The following MAML3 variants were observed in gnomAD, a reference collection of about 807,000 sequenced individuals.
MAML3 encodes mastermind-like protein 3.
MAML3 carries 27 observed loss-of-function variants against 101.9 expected under a neutral mutation model. That is an observed-to-expected ratio of 0.27 (90% CI 0.20 to 0.37). MAML3 has a LOEUF of 0.37. Among genes scored for constraint, MAML3 ranks in the 10% least tolerant of loss-of-function variants. The pLI is 1.00. For synonymous variants in MAML3, 501 were observed against 555.9 expected (o/e 0.90, Z 1.39); for missense variants, 1,316 against 1,444.9 (o/e 0.91, Z 1.45).
intron 1 of MAML3, among the ~76,000 whole-genome samples, chr4:140,105,987 C>T (rs893964167): frequency 6.6e-6 from 1 of 152,044 alleles, no homozygotes; most frequent in Non-Finnish European, 1.5e-5. Flanking sequence ...CCTAATCCCA[C>T]GTTTAGGACT....
intron 1 of MAML3, among the ~76,000 whole-genome samples, chr4:140,003,904 T>C (rs1214557313): frequency 6.6e-6 from 1 of 152,246 alleles, no homozygotes; most frequent in Non-Finnish European, 1.5e-5. Context: ...AAAGTTTCTG[T>C]GTAAATTACA....
At chr4:140,132,286 A>G (rs544566544) in intron 1 of MAML3, among the ~76,000 whole-genome samples, 201 of 152,354 alleles carry the variant, frequency 1.3e-3, no homozygotes, top group Non-Finnish European at 1.7e-3. Context: ...GAAAAAGGGA[A>G]GTTCTTATTA....
chr4:140,113,346 T>C (rs1453852898), intron 1 of MAML3, among the ~76,000 whole-genome samples: 1 of 152,148 alleles, frequency 6.6e-6, no homozygotes, highest in East Asian at 1.9e-4. Flanking sequence ...ATGAAATTTC[T>C]AGGGCCCCTC....
chr4:139,996,539 C>T lies in MAML3; in HGVS notation c.469-105572G>A, dbSNP rs568605874. Among the ~76,000 whole-genome samples, 15 of 151,658 alleles carry T rather than the reference C, an allele frequency of 9.9e-5. No individual in the cohort carries two copies. The South Asian group carries it at 2.3e-3, about 23-fold the overall frequency. On this transcript the variant is annotated intron_variant, in intron 1 of 4. Coordinates refer to ENST00000509479, the MANE Select transcript of MAML3 (RefSeq NM_018717.5). ...GAAATATCAATAATTATGAAATATC[C>T]CTGTCTCTAGTAATAGTTCTTAAAA...
At chr4:140,131,397 G>A (rs565225194) in intron 1 of MAML3, among the ~76,000 whole-genome samples, 22 of 152,210 alleles carry the variant, frequency 1.4e-4, no homozygotes, top group South Asian at 6.2e-4. Flanking sequence ...CACAAGAGGC[G>A]GGCTTACTTC....
At chr4:139,982,675 T>C (rs146735526) in intron 1 of MAML3, among the ~76,000 whole-genome samples, 302 of 152,320 alleles carry the variant, frequency 2.0e-3, no homozygotes, top group African/African-American at 7.0e-3. Flanking sequence ...AAAGTATCTA[T>C]AACATTGATG....
Position 140,153,024 on chromosome 4 carries a change from G to C in MAML3, c.304C>G (p.Gln102Glu). The C allele has an allele frequency of 6.3e-7, 1 of 1,599,136 alleles. No homozygotes were observed. The highest frequency in any genetic ancestry group is 1.3e-5 in the African/African-American group (1 of 74,724). Residue 102 changes from glutamine (Q) to glutamate (E), a missense_variant, in exon 1 of 5, where the codon CAG becomes GAG. Physicochemically the swap from Gln to Glu is conservative, Grantham distance 29. Transcript: ENST00000509479. Reference sequence around the variant, plus strand: ...GTGTCCCGGCGCTCCAGCTCCAGCTGCTCCACCTGAGCCTGCTGGTACCTG... The same window carrying C: ...GTGTCCCGGCGCTCCAGCTCCAGCTCCTCCACCTGAGCCTGCTGGTACCTG... ...ENRYQQAQVE[Q>E]LELERRDTVS...
chr4:139,944,798 A>G (rs1348610245), intron 1 of MAML3, among the ~76,000 whole-genome samples: 1 of 145,756 alleles, frequency 6.9e-6, no homozygotes, highest in Non-Finnish European at 1.5e-5. Context: ...GTCAGGAAAC[A>G]ACAGGTGCTG....
At chr4:139,883,103 T>C (rs1312927921) in intron 2 of MAML3, among the ~76,000 whole-genome samples, 1 of 151,890 alleles carries the variant, frequency 6.6e-6, no homozygotes, top group Non-Finnish European at 1.5e-5. Flanking sequence ...AGAATGATGG[T>C]GAAGGGTGAT....
chr4:139,759,070 C>A (rs1479687130), intron 2 of MAML3, among the ~76,000 whole-genome samples: 2 of 152,206 alleles, frequency 1.3e-5, no homozygotes, highest in African/African-American at 2.4e-5. Context: ...AGATGTCCAA[C>A]AAATCACAGT....
intron 2 of MAML3, among the ~76,000 whole-genome samples, chr4:139,839,087 G>C (rs1232073048): frequency 6.6e-6 from 1 of 152,172 alleles, no homozygotes; most frequent in Non-Finnish European, 1.5e-5. Context: ...CTTGAAGCCA[G>C]GTGGCTTGCA....
chr4:140,003,618 C>T (rs758557649), intron 1 of MAML3, among the ~76,000 whole-genome samples: 2 of 152,108 alleles, frequency 1.3e-5, no homozygotes, highest in African/African-American at 4.8e-5. Context: ...TTTTTCTGTG[C>T]TTTCGTGTAC....
intron 2 of MAML3, among the ~76,000 whole-genome samples, chr4:139,763,691 G>C (rs113147740): frequency 0.013 from 1,990 of 152,292 alleles, 58 homozygotes; most frequent in African/African-American, 0.045. Flanking sequence ...GCCTCAGTGT[G>C]CTTGCAGGAT....
At chr4:139,853,415 T>C (rs1377027484) in intron 2 of MAML3, among the ~76,000 whole-genome samples, 1 of 152,114 alleles carries the variant, frequency 6.6e-6, no homozygotes, top group Non-Finnish European at 1.5e-5. Flanking sequence ...GTGGGGGGCC[T>C]GCAGGTGTAT....
chr4:139,821,425 G>A (rs918807729), intron 2 of MAML3, among the ~76,000 whole-genome samples: 1 of 152,180 alleles, frequency 6.6e-6, no homozygotes, highest in African/African-American at 2.4e-5. Context: ...TGCTCCTTAT[G>A]AGAATCTAAT....
intron 1 of MAML3, among the ~76,000 whole-genome samples, chr4:140,139,716 T>G (rs1728950867): frequency 1.3e-5 from 2 of 152,252 alleles, no homozygotes; most frequent in African/African-American, 4.8e-5. Flanking sequence ...ATAGTTGTTA[T>G]AATCAGATAG....
chr4:140,064,491 G>A (rs999168584), intron 1 of MAML3, among the ~76,000 whole-genome samples: 34 of 152,314 alleles, frequency 2.2e-4, no homozygotes, highest in African/African-American at 7.7e-4. Flanking sequence ...TGTTTCTGTT[G>A]TTTACATAGT....
At chr4:140,058,139 C>T (rs1417942357) in intron 1 of MAML3, among the ~76,000 whole-genome samples, 1 of 152,142 alleles carries the variant, frequency 6.6e-6, no homozygotes, top group East Asian at 1.9e-4. Flanking sequence ...GTACCATACC[C>T]TTTCAAAATT....
intron 1 of MAML3, among the ~76,000 whole-genome samples, chr4:140,053,821 A>G (rs1275819991): frequency 6.6e-6 from 1 of 152,218 alleles, no homozygotes; most frequent in Non-Finnish European, 1.5e-5. Context: ...TTCACATGCC[A>G]TGAAACATTA....
Sources: gnomAD v4.1 joint callset for allele counts (sites outside exome capture counted in the v4.1 genomes callset) on GRCh38, gnomAD v4.1.1 for gene constraint, MANE v1.5 for transcripts, NCBI Gene and HGNC (gene_info 2026-07-23, HGNC 2026-07-21) for gene names.